The following PDE11A variants were observed in gnomAD, a reference collection of about 807,000 sequenced individuals.
The protein encoded by PDE11A is dual 3',5'-cyclic-AMP and -GMP phosphodiesterase 11A.
PDE11A carries 100 observed loss-of-function variants against 100.5 expected under a neutral mutation model. The observed-to-expected ratio is 1.00, with a 90% CI of 0.85 to 1.18. The LOEUF is 1.18. Ranked by LOEUF, PDE11A falls within the 50% of genes most tolerant of loss-of-function variation. The pLI, the probability that PDE11A is intolerant of heterozygous loss-of-function variation, is 0.00. For synonymous variants in PDE11A, 381 were observed against 420.8 expected, an observed-to-expected ratio of 0.91 and a Z score of 1.16; for missense variants, 1,141 against 1,152.6, an observed-to-expected ratio of 0.99 and a Z score of 0.15.
At chr2:177,749,618 C>T (rs1387346534) in intron 10 of PDE11A, among the ~76,000 whole-genome samples, 2 of 152,142 alleles carry the variant, frequency 1.3e-5, no homozygotes, top group Non-Finnish European at 2.9e-5. Context: ...TCTAACACCA[C>T]AGCTCCCCAG....
chr2:177,830,617 A>G (rs2083293532), intron 6 of PDE11A, among the ~76,000 whole-genome samples: 1 of 142,752 alleles, frequency 7.0e-6, no homozygotes, highest in Non-Finnish European at 1.5e-5. Context: ...TAATAATAAT[A>G]ATAATAATAA....
At chr2:178,063,891 C>A (rs2087005179) in intron 1 of PDE11A, among the ~76,000 whole-genome samples, 3 of 152,136 alleles carry the variant, frequency 2.0e-5, no homozygotes, top group Admixed American at 1.3e-4. Context: ...CAGGTACTAC[C>A]ACATTTTAGA....
At chr2:178,096,660 T>C (rs2087496000) in intron 2 of PDE11A, among the ~76,000 whole-genome samples, 1 of 152,216 alleles carries the variant, frequency 6.6e-6, no homozygotes, top group African/African-American at 2.4e-5. Context: ...TGCTAACGCA[T>C]AGCAACAGTG....
chr2:178,067,576 A>T (rs2105870002), intron 1 of PDE11A, among the ~76,000 whole-genome samples: 1 of 152,302 alleles, frequency 6.6e-6, no homozygotes, highest in African/African-American at 2.4e-5. Flanking sequence ...TCTAACTGGA[A>T]AATCTAATCC....
chr2:177,865,760 A>C (rs1301713856), intron 5 of PDE11A, among the ~76,000 whole-genome samples: 1 of 152,256 alleles, frequency 6.6e-6, no homozygotes, highest in African/African-American at 2.4e-5. Context: ...AAATGGTCAC[A>C]TATTATATAA....
intron 19 of PDE11A, among the ~76,000 whole-genome samples, chr2:177,648,990 G>A (rs58287062): frequency 0.067 from 10,111 of 151,970 alleles, 932 homozygotes; most frequent in African/African-American, 0.21. Context: ...AATACAAATG[G>A]CTTCTAAGTA....
intron 13 of PDE11A, among the ~76,000 whole-genome samples, chr2:177,708,099 T>C (rs1024955334): frequency 3.3e-5 from 5 of 151,390 alleles, no homozygotes; most frequent in Admixed American, 2.0e-4. Flanking sequence ...AATCGGACCC[T>C]ACAATGAAAG....
chr2:178,006,654 C>T (rs943355453), intron 2 of PDE11A, among the ~76,000 whole-genome samples: 1 of 151,882 alleles, frequency 6.6e-6, no homozygotes, highest in Non-Finnish European at 1.5e-5. Flanking sequence ...TTATTTATAG[C>T]CCTGAAAGAA....
intron 5 of PDE11A, among the ~76,000 whole-genome samples, chr2:177,875,021 C>T (rs1384649303): frequency 2.0e-5 from 3 of 152,052 alleles, no homozygotes; most frequent in Non-Finnish European, 4.4e-5. Flanking sequence ...GTCAGGAGTT[C>T]GAAACCAGCC....
At chr2:177,909,498 A>G (rs1340004743) in intron 2 of PDE11A, among the ~76,000 whole-genome samples, 3 of 152,228 alleles carry the variant, frequency 2.0e-5, no homozygotes, top group Non-Finnish European at 2.9e-5. Flanking sequence ...CACTAGTTTC[A>G]GCTACATCCC....
chr2:177,665,630 A>T lies in PDE11A; in HGVS notation c.2563-1681T>A, dbSNP rs544261666. On this transcript the variant is annotated intron_variant, in intron 18 of 19. Transcript: ENST00000286063. The stretch of plus-strand genomic sequence containing the variant: ...CAGCACTTTTTGAAGCCAAGGAGGG[A>T]GGATCACTTGAGATCAGGAGTTTGA... Among the ~76,000 whole-genome samples, 151 of 151,920 alleles carry T rather than the reference A, an allele frequency of 9.9e-4. 3 individuals carry two copies. Among genetic ancestry groups the T allele is most frequent in the African/African-American group, 3.6e-3 (148 of 41,494 alleles).
chr2:177,626,899 C>CTTTTT lies in PDE11A; in HGVS notation c.*2503_*2507dup, dbSNP rs71010806. On this transcript the variant is annotated 3_prime_UTR_variant, in exon 20 of 20. Transcript: ENST00000286063. Reference sequence around the variant, plus strand: ...TTTCTTTGTTTGGATTGACTTTCACCTTTTTTTTTTTTTTTTCATTTCCCT... The same window carrying CTTTTT: ...TTTCTTTGTTTGGATTGACTTTCACCTTTTTTTTTTTTTTTTTTTTTCATTTCCCT... 1.8e-5 allele frequency: 2 copies of CTTTTT among 113,338 alleles called. No homozygotes were observed. The highest frequency in any genetic ancestry group is 3.3e-5 in the African/African-American group (1 of 30,078). The allele number at this position is 113,338 out of a possible 1,614,324, so 7.0% of individuals were successfully genotyped here. A position where few individuals can be genotyped will look rare whatever the true frequency, so the allele number is the denominator to read the frequency against.
chr2:178,107,721 CTT>C (rs1159976078), intron 1 of PDE11A, among the ~76,000 whole-genome samples: 20 of 123,038 alleles, frequency 1.6e-4, no homozygotes, highest in Admixed American at 2.5e-4. Flanking sequence ...CTTTTTTTTT[CTT>C]TTTTTTTTTT....
chr2:177,710,631 T>C lies in PDE11A; in HGVS notation c.2153+1138A>G, dbSNP rs1439623593. Among the ~76,000 whole-genome samples the C allele has an allele frequency of 3.3e-5, 5 of 152,292 alleles. No individual in the cohort carries two copies. In the East Asian group the frequency reaches 9.6e-4, roughly 29 times the overall value. ...GGACTGAGTTTCTGCAGAGTGGATG[T>C]CACAGAGACTTGGTCAGGAAATGAT... On this transcript the variant is annotated intron_variant, in intron 13 of 19. Transcript: ENST00000286063.
At chr2:177,959,060 A>G (rs2085599312) in intron 2 of PDE11A, among the ~76,000 whole-genome samples, 1 of 152,342 alleles carries the variant, frequency 6.6e-6, no homozygotes, top group African/African-American at 2.4e-5. Context: ...CTGCTATAAG[A>G]AAAGAGTAAC....
chr2:177,769,905 A>G (rs1243679736), intron 9 of PDE11A, among the ~76,000 whole-genome samples: 1 of 150,562 alleles, frequency 6.6e-6, no homozygotes, highest in Non-Finnish European at 1.5e-5. Context: ...AAAAAAAAAA[A>G]AAAGGCATGC....
intron 10 of PDE11A, among the ~76,000 whole-genome samples, chr2:177,739,058 T>C (rs916733452): frequency 5.9e-5 from 9 of 152,150 alleles, no homozygotes; most frequent in African/African-American, 2.2e-4. Context: ...AACACTAACA[T>C]GGAACCAAGC....
intron 1 of PDE11A, among the ~76,000 whole-genome samples, chr2:178,070,699 G>C (rs771106460): frequency 2.0e-5 from 3 of 152,172 alleles, no homozygotes; most frequent in Non-Finnish European, 4.4e-5. Context: ...ACCCAGATGA[G>C]AGCATGTTGG....
intron 19 of PDE11A, among the ~76,000 whole-genome samples, chr2:177,653,966 A>G (rs1394250791): frequency 2.0e-5 from 3 of 152,074 alleles, no homozygotes; most frequent in Non-Finnish European, 4.4e-5. Context: ...ATTCTGGGAG[A>G]TTACTTCCTT....
Sources: gnomAD v4.1 joint callset for allele counts (sites outside exome capture counted in the v4.1 genomes callset) on GRCh38, gnomAD v4.1.1 for gene constraint, MANE v1.5 for transcripts, NCBI Gene and HGNC (gene_info 2026-07-23, HGNC 2026-07-21) for gene names.